Variants in PRUNE2 observed in about 807,000 individuals in gnomAD.
The protein encoded by PRUNE2 is protein prune homolog 2.
Under a neutral mutation model 252.0 loss-of-function variants are expected in PRUNE2, and 164 were observed. The observed-to-expected ratio is 0.65, with a 90% CI of 0.57 to 0.74. The LOEUF (loss-of-function observed/expected upper bound fraction) is 0.74. PRUNE2 is among the 30% of genes least tolerant of loss of function. PRUNE2 has a pLI of 0.00. For missense variants in PRUNE2, 3,495 were observed against 3,711.0 expected (o/e 0.94, Z 1.51); for synonymous variants, 1,292 against 1,350.2 (o/e 0.96, Z 0.94).
intron 6 of PRUNE2, among the ~76,000 whole-genome samples, chr9:76,742,813 C>CAA (rs1403202393): frequency 1.3e-5 from 2 of 152,042 alleles, no homozygotes; most frequent in Admixed American, 6.5e-5. Context: ...TACTATTATA[C>CAA]ATCTAAGATT....
chr9:76,633,137 G>T (rs949582177), intron 15 of PRUNE2, among the ~76,000 whole-genome samples: 1 of 151,912 alleles, frequency 6.6e-6, no homozygotes, highest in Non-Finnish European at 1.5e-5. Flanking sequence ...CAGGAGAATC[G>T]CTTGAACCTG....
At chr9:76,620,034 GT>G (rs1239719785) in intron 17 of PRUNE2, among the ~76,000 whole-genome samples, 2 of 152,032 alleles carry the variant, frequency 1.3e-5, no homozygotes, top group African/African-American at 4.8e-5. Context: ...AGTATTAGCT[GT>G]TTTTGATATA....
At chr9:76,882,477 T>C (rs1458424872) in intron 1 of PRUNE2, among the ~76,000 whole-genome samples, 2 of 152,236 alleles carry the variant, frequency 1.3e-5, no homozygotes, top group Non-Finnish European at 2.9e-5. Context: ...GGCTCACATT[T>C]CTGCAGGCTG....
At chr9:76,722,812 G>T (rs2047761917) in intron 6 of PRUNE2, among the ~76,000 whole-genome samples, 1 of 152,084 alleles carries the variant, frequency 6.6e-6, no homozygotes, top group South Asian at 2.1e-4. Context: ...GGGACAAATG[G>T]GACTTAAACC....
rs1347813348 is a variant in PRUNE2 at position 76,708,985 on chromosome 9, G to A, written c.3289C>T (p.Leu1097Phe). ...CGGGAGTTGGTGCTGCTGTGCAAAAGTGTGAGTTGTCGGTTTGTTTCATTG... is the reference window on the plus strand; with the variant it reads ...CGGGAGTTGGTGCTGCTGTGCAAAAATGTGAGTTGTCGGTTTGTTTCATTG... ...LYNETNRQLT[L>F]LHSSTNSRQT... Residue 1097 changes from leucine (L) to phenylalanine (F), a missense_variant, in exon 8 of 19, where the codon CTT (leucine) becomes TTT (phenylalanine). Physicochemically the swap from Leu to Phe is conservative, Grantham distance 22. Transcript: ENST00000376718. 3 of 1,613,894 alleles carry A rather than the reference G, an allele frequency of 1.9e-6. No homozygotes were observed. In the Admixed American group the frequency reaches 5.0e-5, roughly 27 times the overall value.
intron 6 of PRUNE2, among the ~76,000 whole-genome samples, chr9:76,789,324 G>GAA (rs932216196): frequency 2.6e-5 from 4 of 152,276 alleles, no homozygotes; most frequent in African/African-American, 9.6e-5. Flanking sequence ...TTTTACAAAA[G>GAA]AAGAAATGGG....
At chr9:76,631,995 G>A (rs958389647) in intron 15 of PRUNE2, among the ~76,000 whole-genome samples, 9 of 152,208 alleles carry the variant, frequency 5.9e-5, no homozygotes, top group Non-Finnish European at 1.2e-4. Flanking sequence ...TTTTATGGCT[G>A]CTAGTATTCC....
intron 6 of PRUNE2, among the ~76,000 whole-genome samples, chr9:76,804,646 C>T (rs1376815448): frequency 1.3e-5 from 2 of 152,184 alleles, no homozygotes; most frequent in Non-Finnish European, 2.9e-5. Flanking sequence ...TTTCTTCTGG[C>T]TGCTGACTTC....
At chr9:76,772,617 G>A (rs530563012) in intron 6 of PRUNE2, among the ~76,000 whole-genome samples, 22 of 152,210 alleles carry the variant, frequency 1.4e-4, no homozygotes, top group Non-Finnish European at 2.8e-4. Context: ...AGGCTGGAAC[G>A]TAGTGGTGCA....
At chr9:76,746,404 C>G (rs951035367) in intron 6 of PRUNE2, among the ~76,000 whole-genome samples, 4 of 152,252 alleles carry the variant, frequency 2.6e-5, no homozygotes, top group Admixed American at 1.3e-4. Context: ...AATGAAGCCT[C>G]CATAAAAACC....
chr9:76,828,803 G>A (rs1364324578), intron 4 of PRUNE2, among the ~76,000 whole-genome samples: 3 of 152,052 alleles, frequency 2.0e-5, no homozygotes, highest in Non-Finnish European at 4.4e-5. Flanking sequence ...ATCACCTGAG[G>A]TCAGGAGTTT....
chr9:76,636,754 A>G (rs1840230707), intron 14 of PRUNE2, among the ~76,000 whole-genome samples, 197 bp from the exon 15 acceptor site: 1 of 152,096 alleles, frequency 6.6e-6, no homozygotes, highest in Non-Finnish European at 1.5e-5. Flanking sequence ...CCTGGCCAAC[A>G]TGTTGAAACC....
chr9:76,647,799 T>A (rs1475714642), intron 11 of PRUNE2, among the ~76,000 whole-genome samples: 2 of 152,034 alleles, frequency 1.3e-5, no homozygotes, highest in Admixed American at 1.3e-4. Flanking sequence ...CTGTTTCTAC[T>A]AAAATACAAA....
At chr9:76,881,789 T>C (rs2061803604) in intron 1 of PRUNE2, among the ~76,000 whole-genome samples, 1 of 151,866 alleles carries the variant, frequency 6.6e-6, no homozygotes, top group Admixed American at 6.6e-5. Flanking sequence ...CCCCAGCTAT[T>C]TTTTTGTATT....
chr9:76,851,404 C>T (rs891297869), intron 2 of PRUNE2, among the ~76,000 whole-genome samples: 7 of 152,108 alleles, frequency 4.6e-5, no homozygotes, highest in African/African-American at 9.6e-5. Context: ...AAAAATTAGC[C>T]GGGCATGGTG....
intron 7 of PRUNE2, among the ~76,000 whole-genome samples, chr9:76,711,793 T>C (rs1047260082): frequency 6.6e-6 from 1 of 152,242 alleles, no homozygotes; most frequent in Non-Finnish European, 1.5e-5. Flanking sequence ...CCAGGGCTGC[T>C]TGAACCTCTG....
Position 76,708,994 on chromosome 9 carries a change from G to T in PRUNE2, c.3280C>A (p.Gln1094Lys). 6.2e-7 allele frequency: 1 copy of T among 1,614,014 alleles called. No homozygotes were observed. The highest frequency in any genetic ancestry group is 1.1e-5 in the South Asian group (1 of 91,084). The part of the protein sequence containing the change: ...MMQLYNETNR[Q>K]LTLLHSSTNS... ...GTGCTGCTGTGCAAAAGTGTGAGTTGTCGGTTTGTTTCATTGTACAGTTGC... is the reference window on the plus strand; with the variant it reads ...GTGCTGCTGTGCAAAAGTGTGAGTTTTCGGTTTGTTTCATTGTACAGTTGC... The change falls in exon 8 of 19, where the codon CAA becomes AAA. Residue 1094 changes from glutamine to lysine, a missense_variant. By Grantham distance (53) the Gln-to-Lys change is moderately conservative (BLOSUM62 1). Transcript: ENST00000376718.
intron 9 of PRUNE2, among the ~76,000 whole-genome samples, chr9:76,657,992 G>C (rs955186738): frequency 2.0e-5 from 3 of 152,130 alleles, no homozygotes; most frequent in African/African-American, 7.2e-5. Flanking sequence ...GCATGCACCG[G>C]GGGAAGAAAA....
intron 12 of PRUNE2, among the ~76,000 whole-genome samples, chr9:76,641,033 A>AT (rs563284731): frequency 1.3e-5 from 2 of 152,180 alleles, no homozygotes; most frequent in African/African-American, 2.4e-5. Flanking sequence ...TTCAGATGTC[A>AT]TTTTAAATGG....
Sources: gnomAD v4.1 joint callset for allele counts (sites outside exome capture counted in the v4.1 genomes callset) on GRCh38, gnomAD v4.1.1 for gene constraint, MANE v1.5 for transcripts, NCBI Gene and HGNC (gene_info 2026-07-23, HGNC 2026-07-21) for gene names.